Variants in TAF3 observed in about 807,000 individuals in gnomAD.
The protein encoded by TAF3 is TATA-box binding protein associated factor 3.
In TAF3, 7 loss-of-function variants were observed where a neutral mutation model predicts 80.6. That is an observed-to-expected ratio of 0.09 (90% CI 0.05 to 0.16). The LOEUF is 0.16. Among genes scored for constraint, TAF3 ranks in the 10% least tolerant of loss-of-function variants. The pLI is 1.00. For synonymous variants in TAF3, 444 were observed against 446.1 expected, an observed-to-expected ratio of 1.00 and a Z score of 0.06; for missense variants, 921 against 1,140.2, an observed-to-expected ratio of 0.81 and a Z score of 2.77.
intron 2 of TAF3, among the ~76,000 whole-genome samples, chr10:7,943,379 G>GT (rs1837995034): frequency 6.6e-6 from 1 of 152,106 alleles, no homozygotes; most frequent in Non-Finnish European, 1.5e-5. Flanking sequence ...TTTGGAGGGT[G>GT]TTTTTTGTAT....
intron 3 of TAF3, among the ~76,000 whole-genome samples, chr10:7,975,774 T>C (rs1427585234): frequency 6.6e-6 from 1 of 152,244 alleles, no homozygotes; most frequent in Admixed American, 6.5e-5. Flanking sequence ...CTACATGTAC[T>C]ATATTAACTT....
chr10:7,875,649 T>C (rs947358111), intron 2 of TAF3, among the ~76,000 whole-genome samples: 2 of 152,186 alleles, frequency 1.3e-5, no homozygotes, highest in South Asian at 2.1e-4. Flanking sequence ...TAATGCAATA[T>C]TAAGAAAATT....
At chr10:7,879,933 G>A (rs1457697655) in intron 2 of TAF3, among the ~76,000 whole-genome samples, 1 of 152,124 alleles carries the variant, frequency 6.6e-6, no homozygotes, top group Non-Finnish European at 1.5e-5. Flanking sequence ...ACCTGGCTGG[G>A]CACGATGGGT....
chr10:7,879,803 A>G (rs1837343821), intron 2 of TAF3, among the ~76,000 whole-genome samples: 1 of 152,214 alleles, frequency 6.6e-6, no homozygotes, highest in African/African-American at 2.4e-5. Context: ...TTGTATCATT[A>G]AAAATAATGA....
At chr10:7,929,591 T>G (rs934279993) in intron 2 of TAF3, among the ~76,000 whole-genome samples, 1 of 152,082 alleles carries the variant, frequency 6.6e-6, no homozygotes, top group African/African-American at 2.4e-5. Flanking sequence ...GACAAACTCC[T>G]GGACTCAAGT....
At chr10:7,994,977 G>GA (rs71287400) in intron 4 of TAF3, among the ~76,000 whole-genome samples, 14,183 of 98,302 alleles carry the variant, frequency 0.14, 741 homozygotes, top group Middle Eastern at 0.24. Flanking sequence ...CTCAAAAAAA[G>GA]AAAAAAAAAA....
At chr10:7,846,772 G>T (rs1164351998) in intron 2 of TAF3, among the ~76,000 whole-genome samples, 1 of 152,090 alleles carries the variant, frequency 6.6e-6, no homozygotes, top group African/African-American at 2.4e-5. Context: ...TTTTATCGTT[G>T]TAGGAATTAT....
At position 7,964,531 on chromosome 10, in the gene TAF3, A is replaced by T; in HGVS notation, c.1021A>T (p.Asn341Tyr). The change falls in exon 3 of 7, where the codon AAC becomes TAC. Residue 341 changes from asparagine (N) to tyrosine (Y), a missense_variant. Transcript: ENST00000344293. The surrounding 1 kb of genome is among the most constrained non-coding windows in gnomAD (Gnocchi z 4.1). ...PQTPVRPETP[N>Y]RTPSATLSEK... is the part of the protein sequence containing the mutation. ...AACACCTGTGAGACCTGAAACGCCCAACAGGACTCCTTCAGCTACACTCAG... is the reference window on the plus strand; with the variant it reads ...AACACCTGTGAGACCTGAAACGCCCTACAGGACTCCTTCAGCTACACTCAG... 6.2e-7 allele frequency: 1 copy of T among 1,613,742 alleles called. No homozygotes were observed. Among genetic ancestry groups the T allele is most frequent in the Non-Finnish European group, 8.5e-7 (1 of 1,179,828 alleles).
chr10:7,961,914 A>G lies in TAF3; in HGVS notation c.410-2006A>G, dbSNP rs577641572. 1.6e-4 allele frequency among the ~76,000 whole-genome samples: 25 copies of G among 152,098 alleles called. No homozygotes were observed. In the South Asian group the frequency reaches 5.0e-3, roughly 30 times the overall value. On this transcript the variant is annotated intron_variant, in intron 2 of 6. Coordinates refer to ENST00000344293, the MANE Select transcript of TAF3 (RefSeq NM_031923.4). ...GCCCAGGCTGGAGTGCAGTGGCGCAATCATGGCTCATTGCAGCCTCAACCT... is the reference window on the plus strand; with the variant it reads ...GCCCAGGCTGGAGTGCAGTGGCGCAGTCATGGCTCATTGCAGCCTCAACCT...
At chr10:7,832,059 C>G (rs1442674653) in intron 2 of TAF3, among the ~76,000 whole-genome samples, 1 of 152,038 alleles carries the variant, frequency 6.6e-6, no homozygotes, top group African/African-American at 2.4e-5. Flanking sequence ...TTAAAACTTA[C>G]TCTCTTAATG....
chr10:7,867,087 C>T (rs1191981055), intron 2 of TAF3, among the ~76,000 whole-genome samples: 1 of 152,000 alleles, frequency 6.6e-6, no homozygotes, highest in Admixed American at 6.6e-5. Context: ...GGCGAAACCC[C>T]ATCTGCACTA....
At chr10:7,920,299 C>CGTGTGTGT (rs60287426) in intron 2 of TAF3, among the ~76,000 whole-genome samples, 8 of 101,280 alleles carry the variant, frequency 7.9e-5, no homozygotes, top group African/African-American at 1.5e-4. Context: ...TTTAAACATA[C>CGTGTGTGT]GTGTGTGTGT....
chr10:7,950,713 C>T (rs1367675053), intron 2 of TAF3, among the ~76,000 whole-genome samples: 5 of 152,210 alleles, frequency 3.3e-5, no homozygotes, highest in Admixed American at 6.5e-5. Flanking sequence ...CAGTCGCATG[C>T]GTTGCCTGTT....
chr10:7,997,041 G>A (rs1191656402), intron 4 of TAF3, among the ~76,000 whole-genome samples: 1 of 152,046 alleles, frequency 6.6e-6, no homozygotes, highest in Admixed American at 6.6e-5. Flanking sequence ...GTTTCTCAAG[G>A]TGGTTGGTAT....
intron 2 of TAF3, among the ~76,000 whole-genome samples, chr10:7,862,431 G>A (rs912425776): frequency 6.6e-6 from 1 of 152,142 alleles, no homozygotes; most frequent in Non-Finnish European, 1.5e-5. Flanking sequence ...CCTATGATGG[G>A]CAGCAGCAGA....
At chr10:8,000,959 T>G (rs1298529187) in intron 4 of TAF3, among the ~76,000 whole-genome samples, 2 of 152,250 alleles carry the variant, frequency 1.3e-5, no homozygotes, top group African/African-American at 4.8e-5. Context: ...AGACATATCA[T>G]TTGTGTGTGT....
rs762287092 is a variant in TAF3 at position 7,964,969 on chromosome 10, C to G, written c.1459C>G (p.Pro487Ala). The G allele has an allele frequency of 8.1e-6, 13 of 1,614,100 alleles. No homozygotes were observed. The highest frequency in any genetic ancestry group is 1.1e-5 in the South Asian group (1 of 91,064). The change falls in exon 3 of 7, where the codon CCC becomes GCC. Residue 487 changes from proline to alanine, a missense_variant. Around this residue, in one of 6 missense-constraint regions of TAF3, gnomAD observed 743 missense variants for 821.0 expected, o/e 0.90. Transcript: ENST00000344293. This position sits in a 1 kb window ranked among gnomAD's most constrained non-coding sequence, Gnocchi z 4.1. ...ACTGGGAACACCTTCAAATATGCCC[C>G]CCAACTTTCCTTATATCTCTTCTCC... ...AKLGTPSNMP[P>A]NFPYISSPSV...
intron 2 of TAF3, among the ~76,000 whole-genome samples, chr10:7,942,671 C>T (rs1406010740): frequency 6.6e-6 from 1 of 152,180 alleles, no homozygotes; most frequent in Admixed American, 6.5e-5. Context: ...AACACAGATC[C>T]CAAGAAGCGC....
At chr10:7,826,725 T>C (rs2131100372) in intron 2 of TAF3, among the ~76,000 whole-genome samples, 1 of 152,334 alleles carries the variant, frequency 6.6e-6, no homozygotes, top group African/African-American at 2.4e-5. Flanking sequence ...TGGTAGGCAG[T>C]ACAGTAAGAT....
Sources: allele counts gnomAD v4.1 joint callset (sites outside exome capture counted in the v4.1 genomes callset), GRCh38; gene constraint gnomAD v4.1.1; regional missense constraint gnomAD v4.1.1; non-coding constraint Gnocchi (gnomAD v3.1); transcripts MANE v1.5; gene names NCBI Gene and HGNC (gene_info 2026-07-23, HGNC 2026-07-21).